Variants in GRIK4 observed in about 807,000 individuals in gnomAD.
The protein encoded by GRIK4 is glutamate ionotropic receptor kainate type subunit 4.
GRIK4 carries 40 observed loss-of-function variants against 104.9 expected under a neutral mutation model. The ratio of observed to expected loss-of-function variants is 0.38; its 90% confidence interval spans 0.30 to 0.50. GRIK4 has a LOEUF of 0.50. Among genes scored for constraint, GRIK4 ranks in the 20% least tolerant of loss-of-function variants. The pLI is 0.93. For synonymous variants in GRIK4, 485 were observed against 524.9 expected (o/e 0.92, Z 1.04); for missense variants, 1,047 against 1,308.1 (o/e 0.80, Z 3.08).
chr11:120,968,956 G>A (rs1944429300), intron 19 of GRIK4, among the ~76,000 whole-genome samples: 1 of 152,204 alleles, frequency 6.6e-6, no homozygotes, highest in Non-Finnish European at 1.5e-5. Flanking sequence ...CTAGCACCGT[G>A]CTCTGCTGCT....
At chr11:120,909,226 T>G (rs1020937612) in intron 13 of GRIK4, among the ~76,000 whole-genome samples, 3 of 152,246 alleles carry the variant, frequency 2.0e-5, no homozygotes, top group Non-Finnish European at 2.9e-5. Context: ...CCTGGAGGGT[T>G]ATTGGTAACA....
intron 1 of GRIK4, among the ~76,000 whole-genome samples, chr11:120,583,936 G>A (rs1948622538): frequency 6.6e-6 from 1 of 152,158 alleles, no homozygotes; most frequent in South Asian, 2.1e-4. Context: ...CACCTCCCTG[G>A]TTAGCTGTAT....
intron 3 of GRIK4, among the ~76,000 whole-genome samples, chr11:120,782,750 A>G (rs1203029042): frequency 6.6e-6 from 1 of 152,134 alleles, no homozygotes; most frequent in African/African-American, 2.4e-5. Flanking sequence ...AGGGACACCA[A>G]GAGTTGAGTT....
chr11:120,961,322 T>C (rs1944283000), intron 17 of GRIK4, among the ~76,000 whole-genome samples: 1 of 152,134 alleles, frequency 6.6e-6, no homozygotes, highest in African/African-American at 2.4e-5. Context: ...TTAGGTCTGA[T>C]GTGGTGGAAC....
chr11:120,975,121 G>T (rs1271767891), intron 19 of GRIK4, among the ~76,000 whole-genome samples: 2 of 152,158 alleles, frequency 1.3e-5, no homozygotes, highest in Non-Finnish European at 2.9e-5. Context: ...TGAAAATCAG[G>T]GTTCCCTTTC....
At chr11:120,761,550 T>C (rs1317332484) in intron 3 of GRIK4, among the ~76,000 whole-genome samples, 1 of 152,260 alleles carries the variant, frequency 6.6e-6, no homozygotes, top group Non-Finnish European at 1.5e-5. Context: ...TGGTATTGCT[T>C]AGGTTTTCTT....
At chr11:120,564,180 C>T (rs1315830556) in intron 1 of GRIK4, among the ~76,000 whole-genome samples, 1 of 152,218 alleles carries the variant, frequency 6.6e-6, no homozygotes. Flanking sequence ...GCGCGCTAGG[C>T]CTTGGTTACT....
chr11:120,654,111 T>A (rs996322288), intron 2 of GRIK4, among the ~76,000 whole-genome samples: 3 of 152,248 alleles, frequency 2.0e-5, no homozygotes, highest in Non-Finnish European at 4.4e-5. Context: ...TGTACTGACA[T>A]ACCTGCTTTC....
chr11:120,828,007 C>G (rs1160321226), intron 6 of GRIK4, among the ~76,000 whole-genome samples: 3 of 152,220 alleles, frequency 2.0e-5, no homozygotes, highest in Non-Finnish European at 4.4e-5. Flanking sequence ...TGCCTCATGA[C>G]AGCCCTTCCT....
chr11:120,523,260 A>G (rs1337463778), intron 1 of GRIK4, among the ~76,000 whole-genome samples: 2 of 151,584 alleles, frequency 1.3e-5, no homozygotes, highest in African/African-American at 4.9e-5. Flanking sequence ...AATAGGCCGG[A>G]ACATGAGATC....
intron 3 of GRIK4, among the ~76,000 whole-genome samples, chr11:120,740,882 G>A (rs113182641): frequency 7.9e-5 from 12 of 152,282 alleles, no homozygotes; most frequent in African/African-American, 2.9e-4. Flanking sequence ...TTACCATAGA[G>A]ACGAGGCATG....
chr11:120,563,259 G>C (rs1402262248), intron 1 of GRIK4, among the ~76,000 whole-genome samples: 1 of 152,110 alleles, frequency 6.6e-6, no homozygotes, highest in Non-Finnish European at 1.5e-5. Context: ...ACATCTCCTA[G>C]GATACTAGCA....
At chr11:120,710,997 T>TGGGGCG (rs139734821) in intron 3 of GRIK4, among the ~76,000 whole-genome samples, 1 of 124,864 alleles carries the variant, frequency 8.0e-6, no homozygotes, top group African/African-American at 3.7e-5. Flanking sequence ...CCCTGTGAGG[T>TGGGGCG]GGGGAGGGGG....
chr11:120,844,994 T>C (rs369446418), intron 8 of GRIK4, among the ~76,000 whole-genome samples: 117 of 152,330 alleles, frequency 7.7e-4, no homozygotes, highest in African/African-American at 2.7e-3. Context: ...CATGCCTGCC[T>C]TGGTCAGCCT....
At chr11:120,947,709 A>C (rs2134672244) in intron 14 of GRIK4, among the ~76,000 whole-genome samples, 1 of 152,300 alleles carries the variant, frequency 6.6e-6, no homozygotes, top group East Asian at 1.9e-4. Context: ...CTCTCTCTGA[A>C]GAAGCTCAAG....
chr11:120,538,445 C>A (rs1052887443), intron 1 of GRIK4, among the ~76,000 whole-genome samples: 2 of 152,264 alleles, frequency 1.3e-5, no homozygotes, highest in African/African-American at 4.8e-5. Flanking sequence ...CCAGCACAGG[C>A]ACATCCAGCC....
In GRIK4 at chr11:120,678,039, C is replaced by T. The variant is rs146654575; in HGVS notation, c.82+17639C>T. Among the ~76,000 whole-genome samples, 238 of 152,328 alleles carry T rather than the reference C, an allele frequency of 1.6e-3. 1 individual carries two copies. Among genetic ancestry groups the T allele is most frequent in the African/African-American group, 4.4e-3 (185 of 41,578 alleles). On this transcript the variant is annotated intron_variant, in intron 3 of 20. Coordinates refer to ENST00000527524, the MANE Select transcript of GRIK4 (RefSeq NM_014619.5). Reference sequence around the variant, plus strand: ...GCTGGATTTGAGCCAGACTCCCTGGCGCCAACCCCATGCTCTATCTATTAC... The same window carrying T: ...GCTGGATTTGAGCCAGACTCCCTGGTGCCAACCCCATGCTCTATCTATTAC...
At chr11:120,641,243 A>G (rs1448605661) in intron 1 of GRIK4, among the ~76,000 whole-genome samples, 1 of 152,216 alleles carries the variant, frequency 6.6e-6, no homozygotes, top group Non-Finnish European at 1.5e-5. Flanking sequence ...GTGTATTTCA[A>G]TTTGGTATGC....
At chr11:120,551,032 C>T (rs1303756489) in intron 1 of GRIK4, among the ~76,000 whole-genome samples, 3 of 152,010 alleles carry the variant, frequency 2.0e-5, no homozygotes, top group Admixed American at 1.3e-4. Flanking sequence ...AGGGTGACTT[C>T]CAGAATGAAG....
Sources: gnomAD v4.1 joint callset for allele counts (sites outside exome capture counted in the v4.1 genomes callset) on GRCh38, gnomAD v4.1.1 for gene constraint, MANE v1.5 for transcripts, NCBI Gene and HGNC (gene_info 2026-07-23, HGNC 2026-07-21) for gene names.